FOXN3: variants seen among roughly 807,000 people sequenced by gnomAD.
FOXN3 encodes the protein forkhead box protein N3.
In FOXN3, 7 loss-of-function variants were observed where a neutral mutation model predicts 38.4. The observed-to-expected ratio is 0.18, with a 90% CI of 0.10 to 0.34. The LOEUF is 0.34. Among genes scored for constraint, FOXN3 ranks in the 10% least tolerant of loss-of-function variants. The probability of loss-of-function intolerance (pLI) is 1.00; values close to 1 mark genes in which losing one functional copy is unlikely to be tolerated. For synonymous variants in FOXN3, 230 were observed against 242.2 expected, an observed-to-expected ratio of 0.95 and a Z score of 0.47; for missense variants, 456 against 613.4, an observed-to-expected ratio of 0.74 and a Z score of 2.71.
chr14:89,522,628 G>T (rs1018125811), intron 1 of FOXN3, among the ~76,000 whole-genome samples: 6 of 152,098 alleles, frequency 3.9e-5, no homozygotes, highest in Admixed American at 1.3e-4. Flanking sequence ...CTTCTTTTAA[G>T]ATTTTTATAC....
intron 1 of FOXN3, among the ~76,000 whole-genome samples, chr14:89,586,180 G>A (rs1341238877): frequency 6.6e-6 from 1 of 152,056 alleles, no homozygotes; most frequent in African/African-American, 2.4e-5. Context: ...CGGATCAAAA[G>A]TATTTGCTGA....
rs1288806061 is a variant in FOXN3, at chr14:89,511,203, TTTTCTTTC to T, written c.-14-98721_-14-98714del. Among the ~76,000 whole-genome samples the T allele has an allele frequency of 2.8e-3, 42 of 15,010 alleles. 9 individuals carry two copies. Among genetic ancestry groups the T allele is most frequent in the African/African-American group, 4.3e-3 (40 of 9,308 alleles). 9.8% of individuals were successfully genotyped at this position (15,010 alleles called of 152,430 possible). The stretch of plus-strand genomic sequence containing the variant: ...TTTCTTTCTTTCTTTTCTTTCTTTC[TTTTCTTTC>T]TTTCTTTCTTTCTTTCTTTTCTTTC... On this transcript the variant is annotated intron_variant, in intron 1 of 6. Coordinates refer to the FOXN3 transcript ENST00000345097.
At chr14:89,369,865 A>C (rs1890264287) in intron 2 of FOXN3, among the ~76,000 whole-genome samples, 2 of 152,238 alleles carry the variant, frequency 1.3e-5, no homozygotes. Flanking sequence ...GTCAAACCGT[A>C]TCAGAAAGTA....
intron 4 of FOXN3, among the ~76,000 whole-genome samples, chr14:89,256,679 C>T (rs1191668841): frequency 6.6e-6 from 1 of 152,146 alleles, no homozygotes; most frequent in Non-Finnish European, 1.5e-5. Flanking sequence ...TTCTGCTCTC[C>T]CTAATCCGTG....
chr14:89,371,222 C>T (rs1890309843), intron 2 of FOXN3, among the ~76,000 whole-genome samples: 1 of 152,104 alleles, frequency 6.6e-6, no homozygotes, highest in Admixed American at 6.5e-5. Flanking sequence ...TCTTCCTGCC[C>T]GAAAGTGGCC....
intron 5 of FOXN3, among the ~76,000 whole-genome samples, chr14:89,179,091 C>T (rs889759120): frequency 6.6e-6 from 1 of 152,178 alleles, no homozygotes; most frequent in Non-Finnish European, 1.5e-5. Flanking sequence ...AGAGGCTTAC[C>T]ACTTAGGAAC....
At chr14:89,579,853 T>C (rs1895710500) in intron 1 of FOXN3, among the ~76,000 whole-genome samples, 1 of 152,224 alleles carries the variant, frequency 6.6e-6, no homozygotes, top group South Asian at 2.1e-4. Context: ...TTTCCTTGTG[T>C]CTTCAATTGA....
intron 2 of FOXN3, among the ~76,000 whole-genome samples, chr14:89,394,704 A>G (rs970306102): frequency 6.6e-6 from 1 of 152,254 alleles, no homozygotes; most frequent in Non-Finnish European, 1.5e-5. Flanking sequence ...CCTCACAGCC[A>G]TGAACACACC....
chr14:89,389,513 G>A (rs995248152), intron 2 of FOXN3, among the ~76,000 whole-genome samples: 7 of 152,100 alleles, frequency 4.6e-5, no homozygotes, highest in East Asian at 1.9e-4. Flanking sequence ...GGAGAATTAC[G>A]CTCTTTCTAA....
intron 2 of FOXN3, among the ~76,000 whole-genome samples, chr14:89,370,181 AT>A (rs1890274895): frequency 6.6e-6 from 1 of 152,376 alleles, no homozygotes; most frequent in African/African-American, 2.4e-5. Flanking sequence ...GTGACCACAT[AT>A]GCAGAAAAAA....
At chr14:89,419,620 G>A (rs1016462626), upstream of FOXN3, 6 of 164,728 alleles carry the variant, frequency 3.6e-5, no homozygotes, top group African/African-American at 1.2e-4. Context: ...CTGAGCATGG[G>A]CTGGAGAGTA....
At chr14:89,595,250 G>A (rs922793662) in intron 1 of FOXN3, among the ~76,000 whole-genome samples, 13 of 151,906 alleles carry the variant, frequency 8.6e-5, no homozygotes, top group East Asian at 3.9e-4. Context: ...GTGTGAACCC[G>A]GGAGGCGGAG....
intron 1 of FOXN3, among the ~76,000 whole-genome samples, chr14:89,616,205 G>T (rs543021067): frequency 6.6e-6 from 1 of 152,058 alleles, no homozygotes; most frequent in Non-Finnish European, 1.5e-5. Context: ...AACGGGGTTG[G>T]GGGTGGAGGC....
intron 1 of FOXN3, among the ~76,000 whole-genome samples, chr14:89,513,755 C>T (rs1336972103): frequency 4.6e-5 from 7 of 151,832 alleles, no homozygotes; most frequent in African/African-American, 7.2e-5. Flanking sequence ...CCACCACATC[C>T]GGCTGATTTT....
At chr14:89,511,190 T>TTTC (rs1234108244) in intron 1 of FOXN3, among the ~76,000 whole-genome samples, 388 of 18,750 alleles carry the variant, frequency 0.021, 34 homozygotes, top group African/African-American at 0.04. Context: ...TCTTTCTTTC[T>TTTC]TTTCTTTCTT....
chr14:89,185,612 C>T (rs1887784801), intron 4 of FOXN3: 1 of 152,280 alleles, frequency 6.6e-6, no homozygotes. Flanking sequence ...CAACTTCTTC[C>T]TCGGATTTGT....
intron 3 of FOXN3, among the ~76,000 whole-genome samples, chr14:89,338,565 G>C (rs1888529506): frequency 6.6e-6 from 1 of 152,194 alleles, no homozygotes; most frequent in African/African-American, 2.4e-5. Flanking sequence ...AGGCCGAAGT[G>C]GGTAGATCAT....
At chr14:89,583,538 T>G (rs1036525272) in intron 1 of FOXN3, among the ~76,000 whole-genome samples, 1 of 152,216 alleles carries the variant, frequency 6.6e-6, no homozygotes, top group Non-Finnish European at 1.5e-5. Flanking sequence ...TGAATTTGTG[T>G]GTTCTCTCTC....
rs140444516 is a variant in FOXN3, at chr14:89,318,375, T to A, written c.680+32297A>T. ...AGTTTCACCATGTTGACCAGGCTGG[T>A]CTCAAACTCCCGACCTCAGGTGATC... On this transcript the variant is annotated intron_variant, in intron 3 of 5. Coordinates refer to ENST00000557258, the MANE Select transcript of FOXN3 (RefSeq NM_005197.4). 5.2e-3 allele frequency among the ~76,000 whole-genome samples: 796 copies of A among 152,144 alleles called. 9 individuals are homozygous for A. The highest frequency in any genetic ancestry group is 0.018 in the African/African-American group (761 of 41,500).
Sources: allele counts gnomAD v4.1 joint callset (sites outside exome capture counted in the v4.1 genomes callset), GRCh38; gene constraint gnomAD v4.1.1; transcripts MANE v1.5; gene names NCBI Gene and HGNC (gene_info 2026-07-23, HGNC 2026-07-21).